Variants in KRT86 observed in about 807,000 individuals in gnomAD.
KRT86 encodes the protein keratin, type II cuticular Hb6.
In KRT86, 30 loss-of-function variants were observed where a neutral mutation model predicts 41.2. The ratio of observed to expected loss-of-function variants is 0.73; its 90% confidence interval spans 0.54 to 0.99. KRT86 has a LOEUF of 0.99. KRT86 is among the 50% of genes least tolerant of loss of function. The pLI is 0.00. For missense variants in KRT86, 561 were observed against 571.4 expected, an observed-to-expected ratio of 0.98 and a Z score of 0.19; for synonymous variants, 238 against 238.1, an observed-to-expected ratio of 1.00 and a Z score of 0.00.
chr12:52,280,741 G>A (rs1304993521), intron 2 of KRT86, among the ~76,000 whole-genome samples: 3 of 152,228 alleles, frequency 2.0e-5, no homozygotes, highest in African/African-American at 7.2e-5. Flanking sequence ...ATGCAAACAA[G>A]CTGCCTGAAG....
At chr12:52,299,201 T>C (rs912973481) in intron 2 of KRT86, among the ~76,000 whole-genome samples, 1 of 152,222 alleles carries the variant, frequency 6.6e-6, no homozygotes, top group African/African-American at 2.4e-5. Flanking sequence ...ACATCTGAAA[T>C]TTGTCTTTCT....
At chr12:52,296,294 G>A (rs1243126387) in intron 2 of KRT86, among the ~76,000 whole-genome samples, 1 of 152,154 alleles carries the variant, frequency 6.6e-6, no homozygotes, top group South Asian at 2.1e-4. Context: ...GAAGATCTGG[G>A]AAGTATGGTG....
intron 2 of KRT86, among the ~76,000 whole-genome samples, chr12:52,277,321 T>A (rs992235188): frequency 6.6e-6 from 1 of 151,886 alleles, no homozygotes; most frequent in Non-Finnish European, 1.5e-5. Flanking sequence ...GTGGGCAGGT[T>A]CTTTTCATCT....
chr12:52,279,096 CGCCT>C (rs1411848878), intron 2 of KRT86: 3 of 152,254 alleles, frequency 2.0e-5, no homozygotes, highest in African/African-American at 7.2e-5. Flanking sequence ...AGCCGGGCTC[CGCCT>C]GCCTGCTCCA....
intron 2 of KRT86, among the ~76,000 whole-genome samples, chr12:52,280,834 A>G (rs1254028765): frequency 6.6e-6 from 1 of 151,774 alleles, no homozygotes; most frequent in Non-Finnish European, 1.5e-5. Context: ...TTCAAGCCCA[A>G]TTTTCTCCAG....
chr12:52,281,426 T>C (rs1248091717), intron 2 of KRT86, among the ~76,000 whole-genome samples: 1 of 152,220 alleles, frequency 6.6e-6, no homozygotes, highest in Non-Finnish European at 1.5e-5. Context: ...GTAGATGTGA[T>C]GGGGTTGAGG....
intron 2 of KRT86, among the ~76,000 whole-genome samples, chr12:52,293,898 G>A (rs1938192084): frequency 6.6e-6 from 1 of 152,168 alleles, no homozygotes; most frequent in Non-Finnish European, 1.5e-5. Flanking sequence ...GGCAGGCAGA[G>A]TAGACTTAGG....
rs1269078213 is a variant in KRT86 at position 52,305,370 on chromosome 12, G to A, written c.866G>A (p.Ser289Asn). Residue 289 changes from serine to asparagine, a missense_variant, in exon 7 of 11, where the codon AGC (serine) becomes AAC (asparagine). Ser to Asn is a conservative substitution (Grantham distance 46, BLOSUM62 1). Around this residue, in one of 3 missense-constraint regions of KRT86, gnomAD observed 397 missense variants for 375.9 expected, o/e 1.06. Transcript: ENST00000423955. ...CAGTACGATGACATTGTCACCCGTA[G>A]CCGGGCTGAGGCCGAGTCCTGGTAC... ...KAQYDDIVTR[S>N]RAEAESWYRS... is the part of the protein sequence containing the mutation. 1.1e-5 allele frequency: 17 copies of A among 1,614,236 alleles called. No homozygotes were observed. The highest frequency in any genetic ancestry group is 1.4e-5 in the Non-Finnish European group (17 of 1,180,046).
At chr12:52,295,832 T>C (rs1028443991) in intron 2 of KRT86, among the ~76,000 whole-genome samples, 1 of 152,138 alleles carries the variant, frequency 6.6e-6, no homozygotes, top group Non-Finnish European at 1.5e-5. Flanking sequence ...TGGTGGTTTA[T>C]TGTGCAAAGC....
At position 52,286,354 on chromosome 12, in the gene KRT86, T is replaced by C. The variant is rs747931598; in HGVS notation, c.-5+10408T>C. On this transcript the variant is annotated intron_variant, in intron 2 of 10. Transcript: ENST00000423955. ...AACCCCCTCCGCAGGTGGTGTTCAA[T>C]TGGCCGCAGGGCGCACACAGGCCGG... 3.9e-6 allele frequency: 6 copies of C among 1,555,128 alleles called. 1 individual carries two copies. The East Asian group carries it at 7.3e-5, about 19-fold the overall frequency.
At position 52,298,768 on chromosome 12, in the gene KRT86, T is replaced by C. The variant is rs117605216; in HGVS notation, c.-4-3145T>C. ...TCTGAGTCTGTGTGCTTAACTAATA[T>C]GCCATGTATTCAAACTTTTTATTTA... On this transcript the variant is annotated intron_variant, in intron 2 of 10. Transcript: ENST00000423955. 2.9e-3 allele frequency among the ~76,000 whole-genome samples: 441 copies of C among 152,342 alleles called. 9 individuals carry two copies. The East Asian group carries it at 0.053, about 18-fold the overall frequency.
chr12:52,308,232 G>A lies in KRT86; in HGVS notation c.1248-1G>A. On this transcript the variant is annotated splice_acceptor_variant, in intron 9 of 10. Transcript: ENST00000423955. LOFTEE classifies it high-confidence loss of function. ...TGACCTCTCGCCTTCTCTCCCTGCA[G>A]GCTGTGCGAGGGCGTCGGCTCGGTG... 3 of 1,614,228 alleles carry A rather than the reference G, an allele frequency of 1.9e-6. No individual in the cohort carries two copies. Among genetic ancestry groups the A allele is most frequent in the Non-Finnish European group, 1.7e-6 (2 of 1,180,050 alleles).
intron 2 of KRT86, among the ~76,000 whole-genome samples, chr12:52,299,490 GT>G (rs1938323543): frequency 6.6e-6 from 1 of 152,148 alleles, no homozygotes; most frequent in Admixed American, 6.5e-5. Context: ...TCACCTGGTG[GT>G]TCTATTTTTA....
At position 52,308,263 on chromosome 12, in the gene KRT86, C is replaced by T; in HGVS notation, c.1278C>T (p.Val426=). The T allele has an allele frequency of 6.2e-7, 1 of 1,614,208 alleles. No individual in the cohort carries two copies. Among genetic ancestry groups the T allele is most frequent in the Non-Finnish European group, 8.5e-7 (1 of 1,180,048 alleles). The change falls in exon 10 of 11, where the codon GTC becomes GTT. Residue 426 remains valine (V), a splice_region_variant and synonymous_variant. Coordinates refer to ENST00000423955, the MANE Select transcript of KRT86 (RefSeq NM_001320198.2). ...RLCEGVGSVN[V]CVSSSRGGVV... ...GCGAGGGCGTCGGCTCGGTGAATGTCTGTAAGTAGTGGGGTCCGTCCCCTC... is the reference window on the plus strand; with the variant it reads ...GCGAGGGCGTCGGCTCGGTGAATGTTTGTAAGTAGTGGGGTCCGTCCCCTC...
chr12:52,300,076 G>A (rs1243686851), intron 2 of KRT86, among the ~76,000 whole-genome samples: 1 of 152,062 alleles, frequency 6.6e-6, no homozygotes, highest in East Asian at 1.9e-4. Context: ...CATAGTCTGA[G>A]GTCTTATATT....
At position 52,306,307 on chromosome 12, in the gene KRT86, C is replaced by A. The variant is rs376775299; in HGVS notation, c.1247+27C>A. On this transcript the variant is annotated intron_variant, in intron 9 of 10. Coordinates refer to ENST00000423955, the MANE Select transcript of KRT86 (RefSeq NM_001320198.2). The stretch of plus-strand genomic sequence containing the variant: ...TGGGTCCCATAGACCTTTCCCTTTC[C>A]CAGCCCTGCCAGGGTTCTCAGTGTG... The A allele has an allele frequency of 8.7e-6, 14 of 1,612,854 alleles. No individual in the cohort carries two copies. In the African/African-American group the frequency reaches 1.9e-4, roughly 22 times the overall value.
intron 2 of KRT86, among the ~76,000 whole-genome samples, chr12:52,297,889 T>C (rs1289625751): frequency 2.0e-5 from 3 of 152,210 alleles, no homozygotes; most frequent in Non-Finnish European, 4.4e-5. Flanking sequence ...TATACTTGGA[T>C]GAATTATCAA....
intron 2 of KRT86, chr12:52,291,311 C>G (rs765739669): frequency 1.2e-5 from 19 of 1,546,940 alleles, no homozygotes; most frequent in East Asian, 7.3e-5. Context: ...CCGAAAGCCT[C>G]CGCACACGCT....
rs563855322 is a variant in KRT86 at position 52,294,246 on chromosome 12, C to T, written c.-4-7667C>T. Among the ~76,000 whole-genome samples, 8 of 152,310 alleles carry T rather than the reference C, an allele frequency of 5.3e-5. No homozygotes were observed. In the South Asian group the frequency reaches 1.5e-3, roughly 28 times the overall value. ...CACTGTGAGTCAAAGTACATCTCAT[C>T]CACACTTCACCTTTTCTACCAGTAT... is the stretch of plus-strand genomic sequence containing the variant. On this transcript the variant is annotated intron_variant, in intron 2 of 10. Coordinates refer to ENST00000423955, the MANE Select transcript of KRT86 (RefSeq NM_001320198.2).
Sources: allele counts gnomAD v4.1 joint callset (sites outside exome capture counted in the v4.1 genomes callset), GRCh38; gene constraint gnomAD v4.1.1; regional missense constraint gnomAD v4.1.1; transcripts MANE v1.5; gene names NCBI Gene and HGNC (gene_info 2026-07-23, HGNC 2026-07-21).